MAF: variants seen among roughly 807,000 people sequenced by gnomAD.
MAF encodes the protein MAF bZIP transcription factor.
Under a neutral mutation model 22.0 loss-of-function variants are expected in MAF, and 10 were observed. That is an observed-to-expected ratio of 0.45 (90% CI 0.28 to 0.77). The LOEUF is 0.77. Ranked by LOEUF, MAF falls within the 30% of genes least tolerant of loss-of-function variation. The pLI is 0.12. For missense variants in MAF, 544 were observed against 548.4 expected, an observed-to-expected ratio of 0.99 and a Z score of 0.08; for synonymous variants, 337 against 255.8, an observed-to-expected ratio of 1.32 and a Z score of -3.03.
At chr16:79,345,347 A>T in the MAF span, among the ~76,000 whole-genome samples, 1 of 152,236 alleles carries the variant, frequency 6.6e-6, no homozygotes, top group Non-Finnish European at 1.5e-5. Context: ...GTCCTAAAAT[A>T]CAATGGCGAT....
At chr16:79,574,159 G>A in the MAF span, among the ~76,000 whole-genome samples, 1 of 152,208 alleles carries the variant, frequency 6.6e-6, no homozygotes, top group Non-Finnish European at 1.5e-5. Flanking sequence ...AGAGTGAAGA[G>A]TGCCTTTGGA....
the MAF span, among the ~76,000 whole-genome samples, chr16:79,523,353 T>G: frequency 1.5e-3 from 226 of 152,358 alleles, no homozygotes; most frequent in African/African-American, 5.1e-3. Flanking sequence ...AGGACTTTTC[T>G]GTGTACTAGA....
chr16:79,323,220 A>G, the MAF span, among the ~76,000 whole-genome samples: 2 of 148,028 alleles, frequency 1.4e-5, no homozygotes, highest in East Asian at 2.0e-4. Context: ...TAAGAGTTCA[A>G]CAGAAAAGTC....
chr16:79,531,845 C>G, the MAF span, among the ~76,000 whole-genome samples: 2 of 151,812 alleles, frequency 1.3e-5, no homozygotes, highest in African/African-American at 4.9e-5. Context: ...GTTGGGGACC[C>G]CTGCTTGAAA....
the MAF span, among the ~76,000 whole-genome samples, chr16:79,529,917 C>T: frequency 6.6e-6 from 1 of 150,992 alleles, no homozygotes; most frequent in Non-Finnish European, 1.5e-5. Flanking sequence ...TCCGAGACTA[C>T]ACTACTGTGC....
chr16:79,534,460 A>G, the MAF span, among the ~76,000 whole-genome samples: 1 of 152,124 alleles, frequency 6.6e-6, no homozygotes, highest in East Asian at 1.9e-4. Context: ...AAGCACTCAC[A>G]TACAGGTGAG....
the MAF span, among the ~76,000 whole-genome samples, chr16:79,372,617 A>G: frequency 6.6e-6 from 1 of 152,332 alleles, no homozygotes; most frequent in Middle Eastern, 3.4e-3. Context: ...CACTTCAACG[A>G]GGCAGGCTGC....
the MAF span, among the ~76,000 whole-genome samples, chr16:79,291,105 C>G: frequency 6.6e-6 from 1 of 152,174 alleles, no homozygotes; most frequent in Non-Finnish European, 1.5e-5. Flanking sequence ...CACAGAAGCC[C>G]TGCTTGTGGA....
chr16:79,498,428 C>T, the MAF span, among the ~76,000 whole-genome samples: 53 of 152,226 alleles, frequency 3.5e-4, no homozygotes, highest in African/African-American at 1.2e-3. Flanking sequence ...AATTTGTTTT[C>T]AACAGTTGAA....
chr16:79,301,536 T>A, the MAF span, among the ~76,000 whole-genome samples: 398 of 152,330 alleles, frequency 2.6e-3, 3 homozygotes, highest in African/African-American at 9.2e-3. Flanking sequence ...TACGTGAGGA[T>A]GTTTTATATG....
At chr16:79,397,909 G>C in the MAF span, among the ~76,000 whole-genome samples, 6 of 152,210 alleles carry the variant, frequency 3.9e-5, no homozygotes, top group Non-Finnish European at 8.8e-5. Flanking sequence ...ATTCTGGAGA[G>C]AAAGATGTAT....
At chr16:79,291,990 T>C in the MAF span, among the ~76,000 whole-genome samples, 14 of 151,660 alleles carry the variant, frequency 9.2e-5, no homozygotes, top group East Asian at 2.1e-3. Flanking sequence ...ATCGTCCCTC[T>C]TTCAAACAGA....
chr16:79,388,041 C>T, the MAF span, among the ~76,000 whole-genome samples: 4 of 152,184 alleles, frequency 2.6e-5, no homozygotes, highest in African/African-American at 9.7e-5. Flanking sequence ...AAAACTTCCA[C>T]TGAGTTTTCT....
the MAF span, among the ~76,000 whole-genome samples, chr16:79,273,443 C>T: frequency 3.3e-5 from 5 of 152,198 alleles, no homozygotes; most frequent in East Asian, 9.6e-4. Context: ...AACTTGGTGG[C>T]TTAAATCAAC....
At chr16:79,369,570 T>A in the MAF span, among the ~76,000 whole-genome samples, 1 of 152,218 alleles carries the variant, frequency 6.6e-6, no homozygotes, top group Non-Finnish European at 1.5e-5. Context: ...TTTTTCTTTA[T>A]TTTTCCTGCC....
chr16:79,439,288 G>C, the MAF span, among the ~76,000 whole-genome samples: 10 of 141,116 alleles, frequency 7.1e-5, no homozygotes. Context: ...TTGAGACGGA[G>C]TCTTGCTCTG....
chr16:79,379,502 C>T, the MAF span, among the ~76,000 whole-genome samples: 2 of 19,266 alleles, frequency 1.0e-4, no homozygotes, highest in East Asian at 4.5e-4. Flanking sequence ...GGTGGAAGTG[C>T]ACACACACAC....
At chr16:79,497,441 C>T in the MAF span, among the ~76,000 whole-genome samples, 2 of 152,226 alleles carry the variant, frequency 1.3e-5, no homozygotes, top group Non-Finnish European at 1.5e-5. Context: ...GACCCAGCAG[C>T]GCTGCTATGT....
At chr16:79,259,340 C>A in the MAF span, among the ~76,000 whole-genome samples, 1 of 152,214 alleles carries the variant, frequency 6.6e-6, no homozygotes, top group Non-Finnish European at 1.5e-5. Context: ...CCAGCCACCA[C>A]TCTGCAGGAT....
Sources: gnomAD v4.1 joint callset for allele counts (sites outside exome capture counted in the v4.1 genomes callset) on GRCh38, gnomAD v4.1.1 for gene constraint, MANE v1.5 for transcripts, NCBI Gene and HGNC (gene_info 2026-07-23, HGNC 2026-07-21) for gene names.